Variants in PHETA1 observed in about 807,000 individuals in gnomAD.
PHETA1 encodes PH domain containing endocytic trafficking adaptor 1.
For synonymous variants in PHETA1, 155 were observed against 168.9 expected (o/e 0.92, Z 0.64); for missense variants, 348 against 373.5 (o/e 0.93, Z 0.56).
At chr12:111,365,459 G>C in intron 2 of PHETA1, 1 of 455,824 alleles carries the variant, frequency 2.2e-6, no homozygotes, top group South Asian at 1.6e-5. Context: ...GTCAGGGAAG[G>C]CTTCCTAGAA....
At position 111,362,188 on chromosome 12, in the gene PHETA1, C is replaced by T. The variant is rs1485465694; in HGVS notation, c.*490G>A. ...AGCCAGGCCAGCTCCTCTGGCAGGT[C>T]CCGGAGCAAGGCCAGGCCCAGGTGT... On this transcript the variant is annotated 3_prime_UTR_variant, in exon 3 of 3. Coordinates refer to ENST00000683047, the MANE Select transcript of PHETA1 (RefSeq NM_144671.6). The T allele has an allele frequency of 8.2e-6, 3 of 364,584 alleles. No individual in the cohort carries two copies. The highest frequency in any genetic ancestry group is 1.1e-5 in the Non-Finnish European group (2 of 185,376). The allele number at this position is 364,584 out of a possible 1,614,324, so 22.6% of individuals were successfully genotyped here. A position where few individuals can be genotyped will look rare whatever the true frequency, so the allele number is the denominator to read the frequency against.
In PHETA1 at chr12:111,362,841, G is replaced by T; in HGVS notation, c.587C>A (p.Thr196Asn). 1 of 1,538,716 alleles carries T rather than the reference G, an allele frequency of 6.5e-7. No homozygotes were observed. The change falls in exon 3 of 3, where the codon ACC becomes AAC. Residue 196 changes from threonine to asparagine, a missense_variant. Thr to Asn is a moderately conservative substitution (Grantham distance 65, BLOSUM62 0). Coordinates refer to ENST00000683047, the MANE Select transcript of PHETA1 (RefSeq NM_144671.6). ...AGGGGGCTCGGGTCCAGGCCTGAAG[G>T]TGGCCTCAGTGCTCCAGACAGCGCA... ...NGCAVWSTEA[T>N]FRPGPEPPPP...
In PHETA1 at chr12:111,360,953, CCACCCA is replaced by C. The variant is rs908427780; in HGVS notation, c.*1719_*1724del. On this transcript the variant is annotated 3_prime_UTR_variant, in exon 3 of 3. Transcript: ENST00000683047. ...CCCCTCCCATGCCCCAGATCCTGTG[CCACCCA>C]CACCCACACCACTCAGGACTCTGGA... 2.0e-5 allele frequency: 3 copies of C among 152,636 alleles called. No individual in the cohort carries two copies. The highest frequency in any genetic ancestry group is 7.2e-5 in the African/African-American group (3 of 41,464). 9.5% of individuals were successfully genotyped at this position (152,636 alleles called of 1,614,324 possible). A position where few individuals can be genotyped will look rare whatever the true frequency, so the allele number is the denominator to read the frequency against.
rs748812601 is a variant in PHETA1, at chr12:111,363,482, C to A, written c.-36-19G>T. On this transcript the variant is annotated intron_variant, in intron 2 of 2. Coordinates refer to ENST00000683047, the MANE Select transcript of PHETA1 (RefSeq NM_144671.6). This position sits in a 1 kb window ranked among gnomAD's most constrained non-coding sequence, Gnocchi z 7.4. ...CTGGGGCCTGGACCCCATAGAAGGG[C>A]TGTTATGCACAAGGCCACTGACGCT... is the stretch of plus-strand genomic sequence containing the variant. 7 of 1,579,336 alleles carry A rather than the reference C, an allele frequency of 4.4e-6. No homozygotes were observed. In the African/African-American group the frequency reaches 5.4e-5, roughly 12 times the overall value.
Position 111,363,495 on chromosome 12 carries a change from G to A in PHETA1, c.-36-32C>T. On this transcript the variant is annotated intron_variant, in intron 2 of 2. Transcript: ENST00000683047. The surrounding 1 kb of genome is among the most constrained non-coding windows in gnomAD (Gnocchi z 7.4). ...CCCATAGAAGGGCTGTTATGCACAAGGCCACTGACGCTAGGTCACCCAGTG... is the reference window on the plus strand; with the variant it reads ...CCCATAGAAGGGCTGTTATGCACAAAGCCACTGACGCTAGGTCACCCAGTG... 2 of 1,566,538 alleles carry A rather than the reference G, an allele frequency of 1.3e-6. No individual in the cohort carries two copies. The highest frequency in any genetic ancestry group is 1.7e-6 in the Non-Finnish European group (2 of 1,158,606).
chr12:111,363,370 T>C lies in PHETA1; in HGVS notation c.58A>G (p.Asn20Asp), dbSNP rs1324895394. ...FYATCDAPVD[N>D]AGFLYKKGGR... is the part of the protein sequence containing the mutation. ...CCCTTCTTGTACAGGAAGCCTGCAT[T>C]GTCCACCGGGGCGTCACAGGTGGCG... Residue 20 changes from asparagine (N) to aspartate (D), a missense_variant, in exon 3 of 3, where the codon AAT becomes GAT. Coordinates refer to ENST00000683047, the MANE Select transcript of PHETA1 (RefSeq NM_144671.6). This position sits in a 1 kb window ranked among gnomAD's most constrained non-coding sequence, Gnocchi z 7.4. 6.2e-7 allele frequency: 1 copy of C among 1,612,938 alleles called. No individual in the cohort carries two copies. Among genetic ancestry groups the C allele is most frequent in the Non-Finnish European group, 8.5e-7 (1 of 1,179,914 alleles).
intron 2 of PHETA1, among the ~76,000 whole-genome samples, chr12:111,365,251 A>C (rs1868959740): frequency 6.6e-6 from 1 of 152,174 alleles, no homozygotes; most frequent in Non-Finnish European, 1.5e-5. Context: ...TCAAGAAGCA[A>C]AGGATATAAA....
intron 2 of PHETA1, among the ~76,000 whole-genome samples, chr12:111,364,346 CAA>C (rs79244548): frequency 2.4e-4 from 26 of 109,178 alleles, no homozygotes; most frequent in Non-Finnish European, 2.0e-4. Flanking sequence ...CACTCTGTCT[CAA>C]AAAAAAAAAA....
At chr12:111,365,749 TC>T in intron 2 of PHETA1, 1 of 164,324 alleles carries the variant, frequency 6.1e-6, no homozygotes, top group Non-Finnish European at 1.2e-5. Context: ...AGAACACATA[TC>T]GGGGCCTGTT....
rs199707467 is a variant in PHETA1 at position 111,362,800 on chromosome 12, G to A, written c.628C>T (p.Arg210Cys). 4.1e-5 allele frequency: 63 copies of A among 1,539,182 alleles called. No individual in the cohort carries two copies. The East Asian group carries it at 1.2e-3, about 28-fold the overall frequency. The change falls in exon 3 of 3, where the codon CGC becomes TGC. Residue 210 changes from arginine (R) to cysteine (C), a missense_variant. Arg to Cys is a radical substitution (Grantham distance 180). Transcript: ENST00000683047. ...GGCCCGTGGGGTGCCGAGGCCCGGCGGCGAGGCGGTGGTGGAGGGGGCTCG... is the reference window on the plus strand; with the variant it reads ...GGCCCGTGGGGTGCCGAGGCCCGGCAGCGAGGCGGTGGTGGAGGGGGCTCG... ...GPEPPPPPPR[R>C]RASAPHGPLD...
Position 111,367,135 on chromosome 12 carries a change from A to G in PHETA1, c.-181-878T>C, listed in dbSNP as rs1324283695. On this transcript the variant is annotated intron_variant, in intron 1 of 2. Coordinates refer to ENST00000683047, the MANE Select transcript of PHETA1 (RefSeq NM_144671.6). This position sits in a 1 kb window ranked among gnomAD's most constrained non-coding sequence, Gnocchi z 4.0. Reference sequence around the variant, plus strand: ...TCCTGGCCTCCTTTCTGTTCCTCAAATACACCAGACACATCCCCACCTCCA... The same window carrying G: ...TCCTGGCCTCCTTTCTGTTCCTCAAGTACACCAGACACATCCCCACCTCCA... Among the ~76,000 whole-genome samples, 2 of 151,790 alleles carry G rather than the reference A, an allele frequency of 1.3e-5. No homozygotes were observed. The highest frequency in any genetic ancestry group is 3.9e-4 in the East Asian group (2 of 5,182).
rs770126319 is a variant in PHETA1, at chr12:111,363,188, A to G, written c.240T>C (p.Ala80=). 1 of 1,612,890 alleles carries G rather than the reference A, an allele frequency of 6.2e-7. No homozygotes were observed. The highest frequency in any genetic ancestry group is 1.3e-5 in the African/African-American group (1 of 75,066). The change falls in exon 3 of 3, where the codon GCT becomes GCC. Residue 80 remains alanine, a synonymous_variant. Transcript: ENST00000683047. The surrounding 1 kb of genome is among the most constrained non-coding windows in gnomAD (Gnocchi z 7.4). The part of the protein sequence containing the change: ...LVEAAEEFAF[A]VRFAGTRART... ...GCGCCCGGGTCCCCGCAAAGCGCAC[A>G]GCGAAGGCGAACTCCTCGGCGGCCT...
rs202160590 is a variant in PHETA1, at chr12:111,363,421, G to T, written c.7C>A (p.Leu3Met). The T allele has an allele frequency of 4.6e-5, 74 of 1,608,858 alleles. No individual in the cohort carries two copies. Among genetic ancestry groups the T allele is most frequent in the Non-Finnish European group, 6.2e-5 (73 of 1,176,996 alleles). The change falls in exon 3 of 3, where the codon CTG becomes ATG. Residue 3 changes from leucine (L) to methionine (M), a missense_variant. Coordinates refer to ENST00000683047, the MANE Select transcript of PHETA1 (RefSeq NM_144671.6). The surrounding 1 kb of genome is among the most constrained non-coding windows in gnomAD (Gnocchi z 7.4). MK[L>M]NERSLAFYAT... ...TAGAAGGCCAGGCTGCGCTCGTTCAGCTTCATGGTGGCAATCGCGGGGCCT... is the reference window on the plus strand; with the variant it reads ...TAGAAGGCCAGGCTGCGCTCGTTCATCTTCATGGTGGCAATCGCGGGGCCT...
chr12:111,363,676 A>G lies in PHETA1; in HGVS notation c.-36-213T>C, dbSNP rs567189660. 8.0e-5 allele frequency: 123 copies of G among 1,532,880 alleles called. No homozygotes were observed. In the South Asian group the frequency reaches 1.2e-3, roughly 15 times the overall value. The allele number at this position is 1,532,880 out of a possible 1,614,324, so 95.0% of individuals were successfully genotyped here. On this transcript the variant is annotated intron_variant, in intron 2 of 2. Transcript: ENST00000683047. The surrounding 1 kb of genome is among the most constrained non-coding windows in gnomAD (Gnocchi z 7.4). ...CTCACGGGCCTCCCCAGACAGCCTC[A>G]TAACCTCCTACCCTCCTGTATCCCT...
chr12:111,366,472 C>T lies in PHETA1; in HGVS notation c.-181-215G>A, dbSNP rs142470996. 5.3e-5 allele frequency among the ~76,000 whole-genome samples: 8 copies of T among 152,274 alleles called. No homozygotes were observed. The East Asian group carries it at 1.5e-3, about 29-fold the overall frequency. On this transcript the variant is annotated intron_variant, in intron 1 of 2. Transcript: ENST00000683047. Reference sequence around the variant, plus strand: ...TTTCCCTCTCACCCCCGCATCTGATCGCACATCAAGTCCAGTTGATCCCCC... The same window carrying T: ...TTTCCCTCTCACCCCCGCATCTGATTGCACATCAAGTCCAGTTGATCCCCC...
In PHETA1 at chr12:111,363,731, C is replaced by G. The variant is rs1281434932; in HGVS notation, c.-36-268G>C. On this transcript the variant is annotated intron_variant, in intron 2 of 2. Coordinates refer to ENST00000683047, the MANE Select transcript of PHETA1 (RefSeq NM_144671.6). This position sits in a 1 kb window ranked among gnomAD's most constrained non-coding sequence, Gnocchi z 7.4. ...TAATGTTGTGAGTTCCTGCTGCATG[C>G]CAGACATTTCAGAGGAATGAACTCA... The G allele has an allele frequency of 2.0e-6, 3 of 1,499,328 alleles. No individual in the cohort carries two copies. The highest frequency in any genetic ancestry group is 2.7e-6 in the Non-Finnish European group (3 of 1,123,924). 92.9% of individuals were successfully genotyped at this position (1,499,328 alleles called of 1,614,324 possible). A position where few individuals can be genotyped will look rare whatever the true frequency, so the allele number is the denominator to read the frequency against.
chr12:111,364,170 A>AC (rs1250520181), intron 2 of PHETA1, among the ~76,000 whole-genome samples: 1 of 152,068 alleles, frequency 6.6e-6, no homozygotes, highest in African/African-American at 2.4e-5. Context: ...ACACAGTGAA[A>AC]CCCCTTCTCT....
At position 111,362,356 on chromosome 12, in the gene PHETA1, G is replaced by A; in HGVS notation, c.*322C>T. ...GCAGGCCCGGCAATGCCTGTTGCCAGCACAGGCCTCTGCCCGGCAGCTCAG... is the reference window on the plus strand; with the variant it reads ...GCAGGCCCGGCAATGCCTGTTGCCAACACAGGCCTCTGCCCGGCAGCTCAG... On this transcript the variant is annotated 3_prime_UTR_variant, in exon 3 of 3. Transcript: ENST00000683047. 1.8e-6 allele frequency: 1 copy of A among 566,158 alleles called. No homozygotes were observed. Among genetic ancestry groups the A allele is most frequent in the Non-Finnish European group, 3.1e-6 (1 of 323,620 alleles). The allele number at this position is 566,158 out of a possible 1,614,324, so 35.1% of individuals were successfully genotyped here. A position where few individuals can be genotyped will look rare whatever the true frequency, so the allele number is the denominator to read the frequency against.
Position 111,362,795 on chromosome 12 carries a change from C to A in PHETA1, c.633G>T (p.Arg211=). The A allele has an allele frequency of 6.5e-7, 1 of 1,539,328 alleles. No individual in the cohort carries two copies. The highest frequency in any genetic ancestry group is 1.4e-5 in the African/African-American group (1 of 73,090). The part of the protein sequence containing the change: ...PEPPPPPPRR[R]ASAPHGPLDM... ...CCAGGGGCCCGTGGGGTGCCGAGGC[C>A]CGGCGGCGAGGCGGTGGTGGAGGGG... The change falls in exon 3 of 3, where the codon CGG becomes CGT. Residue 211 remains arginine, a synonymous_variant. Coordinates refer to ENST00000683047, the MANE Select transcript of PHETA1 (RefSeq NM_144671.6).
Sources: allele counts gnomAD v4.1 joint callset (sites outside exome capture counted in the v4.1 genomes callset), GRCh38; gene constraint gnomAD v4.1.1; non-coding constraint Gnocchi (gnomAD v3.1); transcripts MANE v1.5; gene names NCBI Gene and HGNC (gene_info 2026-07-23, HGNC 2026-07-21).